Variants in EXOC6 observed in about 807,000 individuals in gnomAD.
EXOC6 encodes the protein SEC15-like 1.
Under a neutral mutation model 112.5 loss-of-function variants are expected in EXOC6, and 60 were observed. The ratio of observed to expected loss-of-function variants is 0.53; its 90% CI spans 0.43 to 0.66. The LOEUF is 0.66. EXOC6 is among the 30% of genes least tolerant of loss of function. The probability of loss-of-function intolerance (pLI) is 0.00; values close to 1 mark genes in which losing one functional copy is unlikely to be tolerated. For synonymous variants in EXOC6, 295 were observed against 308.0 expected (o/e 0.96, Z 0.44); for missense variants, 855 against 957.1 (o/e 0.89, Z 1.41).
chr10:92,848,547 G>C lies in EXOC6; in HGVS notation c.14G>C (p.Ser5Thr). 7.1e-7 allele frequency: 1 copy of C among 1,406,798 alleles called. No individual in the cohort carries two copies. The highest frequency in any genetic ancestry group is 9.4e-7 in the Non-Finnish European group (1 of 1,058,568). 87.1% of individuals were successfully genotyped at this position (1,406,798 alleles called of 1,614,324 possible). A position where few individuals can be genotyped will look rare whatever the true frequency, so the allele number is the denominator to read the frequency against. Residue 5 changes from serine to threonine, a missense_variant, in exon 1 of 22, where the codon AGC becomes ACC. Transcript: ENST00000260762. ...CTTCCAGCCAAAATGGCGGAGAACAGCGAGAGTCTGGGCACCGTCCCCGAG... is the reference window on the plus strand; with the variant it reads ...CTTCCAGCCAAAATGGCGGAGAACACCGAGAGTCTGGGCACCGTCCCCGAG... Reference protein sequence around the residue: MAENSESLGTVPEHE... With the variant: MAENTESLGTVPEHE...
At chr10:92,928,564 T>C (rs1004506509) in intron 9 of EXOC6, 142 bp downstream of exon 9, 10 of 556,792 alleles carry the variant, frequency 1.8e-5, no homozygotes, top group African/African-American at 1.7e-4. Flanking sequence ...TTGGTTTAGG[T>C]GCTAAGGGTA....
chr10:93,058,431 C>G lies in EXOC6; in HGVS notation c.*76C>G. The G allele has an allele frequency of 7.6e-7, 1 of 1,307,578 alleles. No homozygotes were observed. The allele number at this position is 1,307,578 out of a possible 1,614,324, so 81.0% of individuals were successfully genotyped here. ...TCTTGAGCAAGTATTGGTCATGATA[C>G]AGTAATTTGTTTACAGAATCCAAAA... On this transcript the variant is annotated 3_prime_UTR_variant, in exon 22 of 22. Coordinates refer to ENST00000260762, the MANE Select transcript of EXOC6 (RefSeq NM_019053.6).
chr10:92,915,753 A>T lies in EXOC6; in HGVS notation c.664-5A>T, dbSNP rs141215729. 6.6e-7 allele frequency: 1 copy of T among 1,513,072 alleles called. No homozygotes were observed. Among genetic ancestry groups the T allele is most frequent in the South Asian group, 1.4e-5 (1 of 73,344 alleles). The allele number at this position is 1,513,072 out of a possible 1,614,324, so 93.7% of individuals were successfully genotyped here. On this transcript the variant is annotated splice_region_variant and splice_polypyrimidine_tract_variant and intron_variant, in intron 6 of 21. Coordinates refer to ENST00000260762, the MANE Select transcript of EXOC6 (RefSeq NM_019053.6). ...ATAATCTGAATTTCTCTCTCTTCAA[A>T]ATAGGCACAGCATCAGAAAACCTTC...
chr10:92,920,840 A>G (rs1851395691), intron 8 of EXOC6, among the ~76,000 whole-genome samples: 1 of 152,148 alleles, frequency 6.6e-6, no homozygotes, highest in Non-Finnish European at 1.5e-5. Flanking sequence ...AAAAATCATA[A>G]AATATCTTTC....
rs925002833 is a variant in EXOC6, at chr10:93,058,158, T to A, written c.2283-65T>A. 44 of 1,479,506 alleles carry A rather than the reference T, an allele frequency of 3.0e-5. 1 individual carries two copies. The South Asian group carries it at 5.3e-4, about 18-fold the overall frequency. The allele number at this position is 1,479,506 out of a possible 1,614,324, so 91.6% of individuals were successfully genotyped here. A position where few individuals can be genotyped will look rare whatever the true frequency, so the allele number is the denominator to read the frequency against. ...ATAATTCAGAGCATGCCAAGATATT[T>A]TACTTGTGACAGCTTAGCTTTTAAT... On this transcript the variant is annotated intron_variant, in intron 21 of 21. Coordinates refer to ENST00000260762, the MANE Select transcript of EXOC6 (RefSeq NM_019053.6).
At chr10:92,854,793 A>C (rs1847519141) in intron 1 of EXOC6, among the ~76,000 whole-genome samples, 1 of 152,096 alleles carries the variant, frequency 6.6e-6, no homozygotes, top group South Asian at 2.1e-4. Context: ...ATGTGTATTC[A>C]TAAGATATTT....
At position 92,909,620 on chromosome 10, in the gene EXOC6, G is replaced by A. The variant is rs769898364; in HGVS notation, c.652G>A (p.Ala218Thr). ...ACATTCTGACAAAATAGGTGAAACA[G>A]CAATGAAACAGGTGAGATTAAAAAT... The part of the protein sequence containing the change: ...RKHSDKIGET[A>T]MKQAQHQKTF... The change falls in exon 6 of 22, where the codon GCA becomes ACA. Residue 218 changes from alanine to threonine, a missense_variant. Coordinates refer to ENST00000260762, the MANE Select transcript of EXOC6 (RefSeq NM_019053.6). 127 of 1,598,898 alleles carry A rather than the reference G, an allele frequency of 7.9e-5. No individual in the cohort carries two copies. The highest frequency in any genetic ancestry group is 1.7e-4 in the Middle Eastern group (1 of 6,040).
intron 18 of EXOC6, among the ~76,000 whole-genome samples, chr10:92,993,480 C>T (rs904100886): frequency 2.0e-5 from 3 of 151,752 alleles, no homozygotes; most frequent in Non-Finnish European, 4.4e-5. Context: ...TTTTAATAGA[C>T]CTTTGAAATA....
intron 13 of EXOC6, 110 bp downstream of exon 13, chr10:92,940,934 A>C (rs1182882307): frequency 5.3e-6 from 4 of 753,436 alleles, no homozygotes; most frequent in Non-Finnish European, 8.8e-6. Context: ...ATTGTAGTAA[A>C]GTACACATAG....
At chr10:92,849,830 A>G (rs1425105901) in intron 1 of EXOC6, among the ~76,000 whole-genome samples, 3 of 152,166 alleles carry the variant, frequency 2.0e-5, no homozygotes, top group African/African-American at 4.8e-5. Context: ...CCTTATTTGT[A>G]GAATGGGGAG....
At chr10:92,914,852 CAGAG>C (rs532822055) in intron 6 of EXOC6, among the ~76,000 whole-genome samples, 1,880 of 152,268 alleles carry the variant, frequency 0.012, 18 homozygotes, top group Middle Eastern at 0.034. Context: ...CCCATCAAAA[CAGAG>C]AGAATGTCTC....
At chr10:92,979,631 G>T (rs535392225) in intron 18 of EXOC6, among the ~76,000 whole-genome samples, 1 of 152,106 alleles carries the variant, frequency 6.6e-6, no homozygotes, top group Admixed American at 6.5e-5. Flanking sequence ...ATGAGTGAGA[G>T]AATTGATTAC....
intron 1 of EXOC6, among the ~76,000 whole-genome samples, chr10:92,886,920 T>TA (rs1849245828): frequency 6.6e-6 from 1 of 152,224 alleles, no homozygotes; most frequent in Non-Finnish European, 1.5e-5. Flanking sequence ...ATAATGCATG[T>TA]AAAGCACTTA....
upstream of EXOC6, among the ~76,000 whole-genome samples, chr10:92,845,750 C>T (rs982573093): frequency 6.6e-6 from 1 of 151,826 alleles, no homozygotes; most frequent in Non-Finnish European, 1.5e-5. Context: ...ACCAGCCTGA[C>T]CAACATGGAG....
At position 93,048,755 on chromosome 10, in the gene EXOC6, C is replaced by CAAAA. The variant is rs11368682; in HGVS notation, c.2170-8155_2170-8152dup. ...TGGGCAACAGAGTGAGACTCCGTCT[C>CAAAA]AAAAAAAAAAAAAAAAAGAATTTAT... On this transcript the variant is annotated intron_variant, in intron 20 of 21. Coordinates refer to ENST00000260762, the MANE Select transcript of EXOC6 (RefSeq NM_019053.6). Among the ~76,000 whole-genome samples, 6 of 107,734 alleles carry CAAAA rather than the reference C, an allele frequency of 5.6e-5. No homozygotes were observed. In the East Asian group the frequency reaches 7.6e-4, roughly 14 times the overall value. The allele number at this position is 107,734 out of a possible 152,430, so 70.7% of individuals were successfully genotyped here. A position where few individuals can be genotyped will look rare whatever the true frequency, so the allele number is the denominator to read the frequency against.
At chr10:92,972,390 T>TGA (rs768423350) in intron 17 of EXOC6, among the ~76,000 whole-genome samples, 12 of 151,714 alleles carry the variant, frequency 7.9e-5, no homozygotes, top group African/African-American at 2.4e-4. Flanking sequence ...CAGGCACACT[T>TGA]GAGAGAGAGA....
chr10:92,843,457 T>TA (rs1395367421), intron 1 of EXOC6, among the ~76,000 whole-genome samples: 1 of 152,244 alleles, frequency 6.6e-6, no homozygotes, highest in Admixed American at 6.5e-5. Context: ...TAAAACTCTT[T>TA]AAGAAACATT....
chr10:92,832,558 G>A (rs1454583665), upstream of EXOC6, among the ~76,000 whole-genome samples: 1 of 152,190 alleles, frequency 6.6e-6, no homozygotes, highest in Non-Finnish European at 1.5e-5. Flanking sequence ...GATTACAGGT[G>A]TGAGCCACAG....
chr10:93,008,152 G>A (rs1186907827), intron 19 of EXOC6, among the ~76,000 whole-genome samples: 1 of 152,096 alleles, frequency 6.6e-6, no homozygotes, highest in Non-Finnish European at 1.5e-5. Flanking sequence ...TCCAGCCTGG[G>A]CAACAGAGTG....
Sources: gnomAD v4.1 joint callset for allele counts (sites outside exome capture counted in the v4.1 genomes callset) on GRCh38, gnomAD v4.1.1 for gene constraint, MANE v1.5 for transcripts, NCBI Gene and HGNC (gene_info 2026-07-23, HGNC 2026-07-21) for gene names.